The following PCBP3 variants were observed in gnomAD, a reference collection of about 807,000 sequenced individuals.
The protein encoded by PCBP3 is poly(rC)-binding protein 3.
A neutral mutation model predicts 52.7 loss-of-function variants in PCBP3; 25 were observed. The observed-to-expected ratio is 0.47, with a 90% confidence interval of 0.35 to 0.66. PCBP3 has a LOEUF of 0.66. Among genes scored for constraint, PCBP3 ranks in the 30% least tolerant of loss-of-function variants. PCBP3 has a pLI of 0.01. For synonymous variants in PCBP3, 162 were observed against 183.0 expected (o/e 0.89, Z 0.93); for missense variants, 391 against 490.3 (o/e 0.80, Z 1.91).
chr21:45,931,123 T>C (rs1044300983), intron 15 of PCBP3, among the ~76,000 whole-genome samples: 4 of 152,220 alleles, frequency 2.6e-5, no homozygotes, highest in Non-Finnish European at 4.4e-5. Flanking sequence ...GAAATGGGTT[T>C]TGTAGGACTA....
At chr21:45,834,142 C>T (rs1452560881) in intron 4 of PCBP3, among the ~76,000 whole-genome samples, 1 of 152,032 alleles carries the variant, frequency 6.6e-6, no homozygotes, top group African/African-American at 2.4e-5. Flanking sequence ...TCCACGGGGC[C>T]CAGGAGTCTG....
chr21:45,784,484 C>G (rs1285034447), intron 4 of PCBP3, among the ~76,000 whole-genome samples: 1 of 152,184 alleles, frequency 6.6e-6, no homozygotes, highest in Admixed American at 6.5e-5. Context: ...CCTCTACCCT[C>G]TTTCCACTGT....
At chr21:45,888,792 C>A (rs1440243118) in intron 5 of PCBP3, among the ~76,000 whole-genome samples, 1 of 152,132 alleles carries the variant, frequency 6.6e-6, no homozygotes, top group Non-Finnish European at 1.5e-5. Flanking sequence ...CACACGTGGA[C>A]AGTATCTACA....
In PCBP3 at chr21:45,868,215, G is replaced by A. The variant is rs145914106; in HGVS notation, c.10+18120G>A. Reference sequence around the variant, plus strand: ...TTACGCAGAACAAAGCGGGTGCCTCGGAGGAGAGAGCCTAGGGACAGGGGC... The same window carrying A: ...TTACGCAGAACAAAGCGGGTGCCTCAGAGGAGAGAGCCTAGGGACAGGGGC... On this transcript the variant is annotated intron_variant, in intron 5 of 17. Transcript: ENST00000681687. 2.0e-3 allele frequency among the ~76,000 whole-genome samples: 310 copies of A among 152,330 alleles called. 2 individuals carry two copies. Among genetic ancestry groups the A allele is most frequent in the African/African-American group, 7.2e-3 (298 of 41,566 alleles).
chr21:45,646,105 C>CTGTGTG (rs1342511407), intron 1 of PCBP3, among the ~76,000 whole-genome samples: 11,064 of 91,888 alleles, frequency 0.12, 581 homozygotes, highest in East Asian at 0.16. Flanking sequence ...CTCTCTCTCT[C>CTGTGTG]TCTGTGTGTG....
intron 4 of PCBP3, among the ~76,000 whole-genome samples, chr21:45,832,958 G>A (rs546807652): frequency 1.1e-4 from 16 of 152,088 alleles, no homozygotes; most frequent in Non-Finnish European, 2.1e-4. Context: ...TCATGAGAAC[G>A]GTATGGTGGA....
At chr21:45,900,507 A>G in intron 7 of PCBP3, 84 bp from the exon 8 acceptor site, 1 of 1,047,380 alleles carries the variant, frequency 9.5e-7, no homozygotes, top group African/African-American at 1.6e-5. Context: ...CGTATGGGCC[A>G]GGCTGCTCCC....
intron 16 of PCBP3, among the ~76,000 whole-genome samples, chr21:45,936,782 T>C (rs2076939808): frequency 6.6e-6 from 1 of 152,232 alleles, no homozygotes; most frequent in Non-Finnish European, 1.5e-5. Context: ...GAATGAGACA[T>C]CTTTGGAGAG....
rs543994295 is a variant in PCBP3, at chr21:45,826,328, A to G, written c.-125-23633A>G. 3.3e-5 allele frequency among the ~76,000 whole-genome samples: 5 copies of G among 152,340 alleles called. No homozygotes were observed. In the East Asian group the frequency reaches 7.7e-4, roughly 23 times the overall value. On this transcript the variant is annotated intron_variant, in intron 4 of 17. Coordinates refer to ENST00000681687, the MANE Select transcript of PCBP3 (RefSeq NM_001384156.1). ...CAAGTCCAGGTGTCATGTTACCTCA[A>G]TGCATTTGAACGGTTCAACTTTCCT... is the stretch of plus-strand genomic sequence containing the variant.
rs971610416 is a variant in PCBP3, at chr21:45,669,801, GTGTGTATATATATATATATATA to G, written c.-200+851_-200+872del. 5.8e-4 allele frequency among the ~76,000 whole-genome samples: 40 copies of G among 69,050 alleles called. 1 individual carries two copies. In the South Asian group the frequency reaches 6.9e-3, roughly 12 times the overall value. 45.3% of individuals were successfully genotyped at this position (69,050 alleles called of 152,430 possible). On this transcript the variant is annotated intron_variant, in intron 2 of 17. Coordinates refer to ENST00000681687, the MANE Select transcript of PCBP3 (RefSeq NM_001384156.1). Reference sequence around the variant, plus strand: ...ATAATATTCCATTGTGTGTGTGTGTGTGTGTATATATATATATATATATATATATATATATATATATATATCA... The same window carrying G: ...ATAATATTCCATTGTGTGTGTGTGTGTATATATATATATATATATATATCA...
chr21:45,834,337 G>A (rs2093529102), intron 4 of PCBP3, among the ~76,000 whole-genome samples: 1 of 152,246 alleles, frequency 6.6e-6, no homozygotes, highest in Admixed American at 6.5e-5. Context: ...GGGACTGGAA[G>A]TTGTGAATGA....
chr21:45,769,664 G>A (rs952513878), intron 4 of PCBP3, among the ~76,000 whole-genome samples: 1 of 152,216 alleles, frequency 6.6e-6, no homozygotes, highest in Non-Finnish European at 1.5e-5. Context: ...CCCACCCATG[G>A]TTGCAGGTTC....
chr21:45,695,663 A>G (rs1052632252), intron 2 of PCBP3, among the ~76,000 whole-genome samples: 2 of 152,042 alleles, frequency 1.3e-5, no homozygotes, highest in Non-Finnish European at 2.9e-5. Context: ...TTTACTAGTT[A>G]TTCTTTTTAT....
intron 17 of PCBP3, 80 bp downstream of exon 17, chr21:45,940,279 G>A (rs2077316974): frequency 2.3e-6 from 3 of 1,302,032 alleles, no homozygotes; most frequent in South Asian, 1.4e-5. Flanking sequence ...GACGGTCGGG[G>A]GGTGGGAGGA....
intron 1 of PCBP3, among the ~76,000 whole-genome samples, chr21:45,649,039 A>G (rs560748154): frequency 1.8e-4 from 28 of 152,302 alleles, no homozygotes; most frequent in African/African-American, 6.3e-4. Flanking sequence ...GTTTTAGTCC[A>G]TTTTCATGCT....
At position 45,656,079 on chromosome 21, in the gene PCBP3, G is replaced by A. The variant is rs1448935785; in HGVS notation, c.-279+12211G>A. Among the ~76,000 whole-genome samples the A allele has an allele frequency of 6.6e-6, 1 of 152,236 alleles. No homozygotes were observed. The highest frequency in any genetic ancestry group is 2.4e-5 in the African/African-American group (1 of 41,462). On this transcript the variant is annotated intron_variant, in intron 1 of 17. Transcript: ENST00000681687. This position sits in a 1 kb window ranked among gnomAD's most constrained non-coding sequence, Gnocchi z 4.3. The stretch of plus-strand genomic sequence containing the variant: ...ATTAGTTCAACCATTGTGGAAGACA[G>A]TGTGGCGATTTCTCAAGGATCTAGA...
chr21:45,895,508 T>C (rs9979000), intron 5 of PCBP3, among the ~76,000 whole-genome samples: 1 of 152,208 alleles, frequency 6.6e-6, no homozygotes, highest in African/African-American at 2.4e-5. Context: ...CACGAGTCCC[T>C]CACTTCCACT....
intron 2 of PCBP3, among the ~76,000 whole-genome samples, chr21:45,669,797 GTGTGTGTGTATATA>G (rs2081034799): frequency 1.2e-5 from 1 of 85,868 alleles, no homozygotes; most frequent in South Asian, 5.1e-4. Context: ...TTGTGTGTGT[GTGTGTGTGTATATA>G]TATATATATA....
At chr21:45,852,131 A>G (rs576908524) in intron 5 of PCBP3, among the ~76,000 whole-genome samples, 1 of 152,386 alleles carries the variant, frequency 6.6e-6, no homozygotes. Context: ...AAATGTTTAC[A>G]GTGATGGATA....
Sources: gnomAD v4.1 joint callset for allele counts (sites outside exome capture counted in the v4.1 genomes callset) on GRCh38, gnomAD v4.1.1 for gene constraint, Gnocchi (gnomAD v3.1) non-coding constraint, MANE v1.5 for transcripts, NCBI Gene and HGNC (gene_info 2026-07-23, HGNC 2026-07-21) for gene names.